The following MUC7 variants were observed in gnomAD, a reference collection of about 807,000 sequenced individuals.
MUC7 encodes mucin-7.
In MUC7, 2 loss-of-function variants were observed where a neutral mutation model predicts 2.5. The ratio of observed to expected loss-of-function variants is 0.81; its 90% CI spans 0.33 to 2.55. The LOEUF is 2.55. MUC7 is among the 30% of genes most tolerant of loss of function. The pLI, the probability that MUC7 is intolerant of heterozygous loss-of-function variation, is 0.11. For synonymous variants in MUC7, 133 were observed against 173.4 expected (o/e 0.77, Z 1.83); for missense variants, 408 against 455.6 (o/e 0.90, Z 0.95).
At chr4:70,453,226 C>T (rs1419148209) in intron 1 of MUC7, among the ~76,000 whole-genome samples, 1 of 152,210 alleles carries the variant, frequency 6.6e-6, no homozygotes, top group African/African-American at 2.4e-5. Flanking sequence ...CAGCCAGTTC[C>T]CTCAGGCCCC....
Position 70,482,010 on chromosome 4 carries a change from T to C in MUC7, c.*132T>C. ...AGATTTAAAGCACTATCATTAATCTTTCAATCTAATTATTCACCACCACAA... is the reference window on the plus strand; with the variant it reads ...AGATTTAAAGCACTATCATTAATCTCTCAATCTAATTATTCACCACCACAA... On this transcript the variant is annotated 3_prime_UTR_variant, in exon 3 of 3. Transcript: ENST00000304887. 9.0e-7 allele frequency: 1 copy of C among 1,114,448 alleles called. No individual in the cohort carries two copies. Among genetic ancestry groups the C allele is most frequent in the Non-Finnish European group, 1.2e-6 (1 of 800,938 alleles). The allele number at this position is 1,114,448 out of a possible 1,614,324, so 69.0% of individuals were successfully genotyped here.
chr4:70,457,043 G>C (rs578179099), intron 1 of MUC7, among the ~76,000 whole-genome samples: 1 of 152,128 alleles, frequency 6.6e-6, no homozygotes, highest in Admixed American at 6.6e-5. Flanking sequence ...TGGAAGACAG[G>C]GGACTGCAAA....
chr4:70,452,293 T>C (rs1234452751), intron 1 of MUC7, among the ~76,000 whole-genome samples: 1 of 152,164 alleles, frequency 6.6e-6, no homozygotes, highest in Admixed American at 6.5e-5. Flanking sequence ...CCCGCCATTT[T>C]GTTGTTTTCT....
chr4:70,465,961 T>C (rs925871247), intron 1 of MUC7, among the ~76,000 whole-genome samples: 5 of 151,948 alleles, frequency 3.3e-5, no homozygotes, highest in African/African-American at 1.2e-4. Context: ...TTCACCAACA[T>C]TGAAGTGAAG....
intron 1 of MUC7, 143 bp downstream of exon 1, chr4:70,472,434 A>G (rs1013044757): frequency 6.6e-6 from 1 of 152,252 alleles, no homozygotes; most frequent in Non-Finnish European, 1.5e-5. Flanking sequence ...GTAACACTCA[A>G]TTCATATGTT....
intron 1 of MUC7, among the ~76,000 whole-genome samples, chr4:70,451,373 C>T (rs1464369830): frequency 9.9e-5 from 15 of 152,174 alleles, no homozygotes; most frequent in African/African-American, 3.4e-4. Flanking sequence ...CTCTTCAATG[C>T]CTCTTTTAGT....
At chr4:70,473,645 A>G (rs41473546) in intron 1 of MUC7, among the ~76,000 whole-genome samples, 2,046 of 152,294 alleles carry the variant, frequency 0.013, 44 homozygotes, top group African/African-American at 0.047. Flanking sequence ...ATGGTTCCCC[A>G]CAGAGGGGAG....
At chr4:70,466,284 A>G (rs1214247183) in intron 1 of MUC7, among the ~76,000 whole-genome samples, 1 of 152,184 alleles carries the variant, frequency 6.6e-6, no homozygotes, top group Non-Finnish European at 1.5e-5. Flanking sequence ...AGGAATAACC[A>G]GTACCAGCCA....
chr4:70,477,606 C>T (rs1735041348), intron 2 of MUC7, among the ~76,000 whole-genome samples: 1 of 152,036 alleles, frequency 6.6e-6, no homozygotes, highest in Non-Finnish European at 1.5e-5. Context: ...TTGACTCCAG[C>T]CTACTCTATC....
At chr4:70,471,657 T>A (rs919295512), upstream of MUC7, among the ~76,000 whole-genome samples, 2 of 152,222 alleles carry the variant, frequency 1.3e-5, no homozygotes, top group African/African-American at 4.8e-5. Flanking sequence ...TATGTTTGAA[T>A]ATTTTTCAAG....
intron 1 of MUC7, among the ~76,000 whole-genome samples, chr4:70,463,406 C>G (rs530573882): frequency 6.6e-6 from 1 of 152,182 alleles, no homozygotes; most frequent in Admixed American, 6.5e-5. Context: ...ACTTTTCAAT[C>G]GATTAACCAT....
chr4:70,457,567 A>G (rs1346719480), intron 1 of MUC7, among the ~76,000 whole-genome samples: 2 of 152,312 alleles, frequency 1.3e-5, no homozygotes, highest in East Asian at 3.9e-4. Context: ...AAAGAACTCA[A>G]AAATTGTTTC....
Position 70,434,413 on chromosome 4 carries a change from T to C in MUC7, c.-93+3726T>C, listed in dbSNP as rs190292724. ...AATTTCAGAACTTGTTATTGGTCTA[T>C]TCAGAGATTCAACTTCTTCCTAGTG... is the stretch of plus-strand genomic sequence containing the variant. On this transcript the variant is annotated intron_variant, in intron 1 of 3. Transcript: ENST00000413702. Among the ~76,000 whole-genome samples, 66 of 152,358 alleles carry C rather than the reference T, an allele frequency of 4.3e-4. No homozygotes were observed. The East Asian group carries it at 6.8e-3, about 16-fold the overall frequency.
chr4:70,456,379 T>A lies in MUC7; in HGVS notation c.-92-15836T>A, dbSNP rs78738531. Among the ~76,000 whole-genome samples, 1,346 of 152,256 alleles carry A rather than the reference T, an allele frequency of 8.8e-3. 18 individuals are homozygous for A. The highest frequency in any genetic ancestry group is 0.031 in the African/African-American group (1,279 of 41,542). ...AGGACACAAGTATTAATTCCAGGGA[T>A]TTATTAGTCCATTTTCACACTGCTA... On this transcript the variant is annotated intron_variant, in intron 1 of 3. Coordinates refer to the MUC7 transcript ENST00000413702.
chr4:70,474,761 C>A (rs1734946686), intron 2 of MUC7, among the ~76,000 whole-genome samples: 1 of 152,076 alleles, frequency 6.6e-6, no homozygotes, highest in East Asian at 1.9e-4. Context: ...ATGATCAAAG[C>A]ACTCCCAGGG....
intron 1 of MUC7, among the ~76,000 whole-genome samples, chr4:70,456,396 A>T (rs1297614841): frequency 6.6e-6 from 1 of 152,220 alleles, no homozygotes; most frequent in African/African-American, 2.4e-5. Flanking sequence ...GTCCATTTTC[A>T]CACTGCTATG....
chr4:70,432,947 T>C (rs781256866), intron 1 of MUC7, among the ~76,000 whole-genome samples: 6 of 152,236 alleles, frequency 3.9e-5, no homozygotes, highest in Non-Finnish European at 8.8e-5. Flanking sequence ...TTTCTACATA[T>C]GGCTAGCCAG....
At chr4:70,462,384 C>T (rs1734578513) in intron 1 of MUC7, among the ~76,000 whole-genome samples, 1 of 152,146 alleles carries the variant, frequency 6.6e-6, no homozygotes, top group Non-Finnish European at 1.5e-5. Context: ...TTCAATGTCA[C>T]CTTATCCATT....
chr4:70,473,952 A>C (rs1469136433), intron 1 of MUC7, 55 bp from the exon 2 acceptor site: 2 of 1,247,730 alleles, frequency 1.6e-6, no homozygotes, highest in Non-Finnish European at 2.3e-6. Flanking sequence ...ACCAAAACGC[A>C]TTCCTCTCCC....
Sources: allele counts gnomAD v4.1 joint callset (sites outside exome capture counted in the v4.1 genomes callset), GRCh38; gene constraint gnomAD v4.1.1; transcripts MANE v1.5; gene names NCBI Gene and HGNC (gene_info 2026-07-23, HGNC 2026-07-21).